Variants in MBOAT2 observed in about 807,000 individuals in gnomAD.
MBOAT2 encodes membrane-bound glycerophospholipid O-acyltransferase 2.
A neutral mutation model predicts 63.4 loss-of-function variants in MBOAT2; 28 were observed. The observed-to-expected ratio is 0.44, with a 90% CI of 0.33 to 0.61. The LOEUF is 0.61. Among genes scored for constraint, MBOAT2 ranks in the 20% least tolerant of loss-of-function variants. The pLI, the probability that MBOAT2 is intolerant of heterozygous loss-of-function variation, is 0.03. For synonymous variants in MBOAT2, 211 were observed against 215.6 expected, an observed-to-expected ratio of 0.98 and a Z score of 0.19; for missense variants, 470 against 605.8, an observed-to-expected ratio of 0.78 and a Z score of 2.35.
In MBOAT2 at chr2:8,925,062, T is replaced by C. The variant is rs1358981346; in HGVS notation, c.300-16346A>G. ...ATCGTGGAGCAACTGAGAAAGATGATCATCCACAAAAACACATCCAGATTT... is the reference window on the plus strand; with the variant it reads ...ATCGTGGAGCAACTGAGAAAGATGACCATCCACAAAAACACATCCAGATTT... On this transcript the variant is annotated intron_variant, in intron 3 of 12. Coordinates refer to ENST00000305997, the MANE Select transcript of MBOAT2 (RefSeq NM_138799.4). Among the ~76,000 whole-genome samples, 3 of 152,250 alleles carry C rather than the reference T, an allele frequency of 2.0e-5. No individual in the cohort carries two copies. In the East Asian group the frequency reaches 5.8e-4, roughly 29 times the overall value.
At chr2:8,988,700 T>C (rs1671725413) in intron 1 of MBOAT2, among the ~76,000 whole-genome samples, 1 of 152,174 alleles carries the variant, frequency 6.6e-6, no homozygotes, top group Non-Finnish European at 1.5e-5. Flanking sequence ...TTGAGTTATT[T>C]AGTTCCATTC....
chr2:8,900,664 A>G (rs982579072), intron 4 of MBOAT2, among the ~76,000 whole-genome samples: 1 of 152,180 alleles, frequency 6.6e-6, no homozygotes, highest in African/African-American at 2.4e-5. Context: ...GGGGAGCTAT[A>G]GGGAGGCTAG....
At chr2:8,891,830 G>A (rs1161842988) in intron 4 of MBOAT2, among the ~76,000 whole-genome samples, 3 of 152,112 alleles carry the variant, frequency 2.0e-5, no homozygotes, top group African/African-American at 4.8e-5. Context: ...CCTTCTATAG[G>A]ACAACATTAG....
In MBOAT2 at chr2:8,854,772, A is replaced by G. The variant is rs1274525437; in HGVS notation, c.*3907T>C. The G allele has an allele frequency of 6.6e-6, 1 of 152,258 alleles. No individual in the cohort carries two copies. The highest frequency in any genetic ancestry group is 2.4e-5 in the African/African-American group (1 of 41,466). The allele number at this position is 152,258 out of a possible 1,614,324, so 9.4% of individuals were successfully genotyped here. A position where few individuals can be genotyped will look rare whatever the true frequency, so the allele number is the denominator to read the frequency against. On this transcript the variant is annotated 3_prime_UTR_variant, in exon 13 of 13. Coordinates refer to ENST00000305997, the MANE Select transcript of MBOAT2 (RefSeq NM_138799.4). ...TGTGATCTAGTCCTTGAGTAAAAGTATAAATTTATAATTATTTTAATGGCA... is the reference window on the plus strand; with the variant it reads ...TGTGATCTAGTCCTTGAGTAAAAGTGTAAATTTATAATTATTTTAATGGCA...
chr2:8,907,750 T>C (rs1665435733), intron 4 of MBOAT2, among the ~76,000 whole-genome samples: 1 of 152,242 alleles, frequency 6.6e-6, no homozygotes, highest in African/African-American at 2.4e-5. Context: ...TTTTAAAATC[T>C]GTGTAGTAAA....
At chr2:8,871,514 TA>T (rs1454191150) in intron 8 of MBOAT2, among the ~76,000 whole-genome samples, 6 of 152,212 alleles carry the variant, frequency 3.9e-5, no homozygotes, top group Non-Finnish European at 8.8e-5. Context: ...CAGGTTTGTT[TA>T]GGAAAGTTCT....
chr2:8,949,886 C>T (rs372275882), intron 2 of MBOAT2, among the ~76,000 whole-genome samples: 6 of 151,910 alleles, frequency 3.9e-5, no homozygotes, highest in African/African-American at 1.4e-4. Context: ...ATGACATTGG[C>T]AGTTTGATAG....
intron 6 of MBOAT2, among the ~76,000 whole-genome samples, chr2:8,880,231 A>AC (rs1322167208): frequency 1.3e-5 from 2 of 151,980 alleles, no homozygotes; most frequent in African/African-American, 4.8e-5. Flanking sequence ...GAGGGTTTGT[A>AC]CTGGGATGTG....
intron 4 of MBOAT2, among the ~76,000 whole-genome samples, chr2:8,898,138 T>C (rs1167265785): frequency 6.6e-6 from 1 of 152,214 alleles, no homozygotes; most frequent in African/African-American, 2.4e-5. Flanking sequence ...CCAAGAGCTA[T>C]CCTTGCTCCT....
At chr2:8,986,927 T>TA (rs1341942988) in intron 1 of MBOAT2, among the ~76,000 whole-genome samples, 1 of 152,232 alleles carries the variant, frequency 6.6e-6, no homozygotes, top group Non-Finnish European at 1.5e-5. Context: ...ATCTCAGACT[T>TA]ACAGCCTCTG....
At chr2:8,921,093 C>T (rs966988840) in intron 3 of MBOAT2, among the ~76,000 whole-genome samples, 9 of 152,238 alleles carry the variant, frequency 5.9e-5, no homozygotes, top group Admixed American at 2.6e-4. Flanking sequence ...AGTATTTATA[C>T]GGTCAGATTT....
In MBOAT2 at chr2:8,877,021, T is replaced by A; in HGVS notation, c.690+9A>T. ...CTGTAAAGGCTCCAGATAAATCTCA[T>A]GACCTTACATTTGGAGATGGCTCTG... On this transcript the variant is annotated intron_variant, in intron 7 of 12. Coordinates refer to ENST00000305997, the MANE Select transcript of MBOAT2 (RefSeq NM_138799.4). 1.2e-6 allele frequency: 2 copies of A among 1,600,820 alleles called. No individual in the cohort carries two copies. Among genetic ancestry groups the A allele is most frequent in the South Asian group, 2.3e-5 (2 of 88,206 alleles).
chr2:8,978,163 C>G (rs1011041316), intron 1 of MBOAT2, among the ~76,000 whole-genome samples: 2 of 152,130 alleles, frequency 1.3e-5, no homozygotes, highest in Admixed American at 6.6e-5. Context: ...TTCCACCTCT[C>G]CAGCCTCATC....
chr2:8,954,505 G>A (rs74745212), intron 2 of MBOAT2, among the ~76,000 whole-genome samples: 6,339 of 152,218 alleles, frequency 0.042, 155 homozygotes, highest in Non-Finnish European at 0.054. Context: ...GGCAGCCACC[G>A]AGAATGCAGG....
chr2:8,949,541 T>C (rs1476611423), intron 2 of MBOAT2, among the ~76,000 whole-genome samples: 2 of 152,142 alleles, frequency 1.3e-5, no homozygotes, highest in African/African-American at 2.4e-5. Flanking sequence ...AGGGGTCCAG[T>C]TTCATTCTTC....
intron 1 of MBOAT2, among the ~76,000 whole-genome samples, chr2:8,960,187 T>G (rs1286714089): frequency 5.3e-5 from 8 of 152,202 alleles, no homozygotes; most frequent in Non-Finnish European, 5.9e-5. Context: ...ATGGAAAAAT[T>G]TGTGTTCTTC....
intron 4 of MBOAT2, among the ~76,000 whole-genome samples, chr2:8,902,374 G>A (rs539703138): frequency 6.6e-6 from 1 of 152,318 alleles, no homozygotes; most frequent in East Asian, 1.9e-4. Context: ...TGGGTTCTTG[G>A]TCAAGCTGAC....
chr2:8,876,889 GGTGCA>G (rs1157761048), intron 7 of MBOAT2, 136 bp downstream of exon 7: 1 of 730,800 alleles, frequency 1.4e-6, no homozygotes, highest in Non-Finnish European at 2.2e-6. Flanking sequence ...ACTTCTACCA[GGTGCA>G]GTGTGAAGTT....
chr2:8,948,256 T>G (rs935915571), intron 2 of MBOAT2, among the ~76,000 whole-genome samples: 2 of 152,230 alleles, frequency 1.3e-5, no homozygotes, highest in African/African-American at 2.4e-5. Flanking sequence ...TTCTTATGGA[T>G]GAGCAAAGAA....
Sources: allele counts gnomAD v4.1 joint callset (sites outside exome capture counted in the v4.1 genomes callset), GRCh38; gene constraint gnomAD v4.1.1; transcripts MANE v1.5; gene names NCBI Gene and HGNC (gene_info 2026-07-23, HGNC 2026-07-21).